Variants in COL5A1 observed in about 807,000 individuals in gnomAD.
COL5A1 encodes collagen type V alpha 1 chain.
Under a neutral mutation model 263.7 loss-of-function variants are expected in COL5A1, and 16 were observed. The observed-to-expected ratio is 0.06, with a 90% CI of 0.04 to 0.09. COL5A1 has a LOEUF of 0.09. Among genes scored for constraint, COL5A1 ranks in the 10% least tolerant of loss-of-function variants. The probability of loss-of-function intolerance (pLI) is 1.00; values close to 1 mark genes in which losing one functional copy is unlikely to be tolerated. For synonymous variants in COL5A1, 1,012 were observed against 1,004.5 expected (o/e 1.01, Z -0.14); for missense variants, 2,036 against 2,540.5 (o/e 0.80, Z 4.27).
Position 134,835,145 on chromosome 9 carries a change from G to T in COL5A1, c.5311G>T (p.Asp1771Tyr), listed in dbSNP as rs1005244744. The stretch of plus-strand genomic sequence containing the variant: ...GGCCCTCCGCTTCCTGGGCTCCAAC[G>T]ACGAGGAGATGTCCTATGACAACAA... ...DKALRFLGSNDEEMSYDNNPY... is the reference protein window; with the variant it reads ...DKALRFLGSNYEEMSYDNNPY... The change falls in exon 65 of 66, where the codon GAC (aspartate) becomes TAC (tyrosine). Residue 1771 changes from aspartate (D) to tyrosine (Y), a missense_variant. This residue lies in a region of COL5A1 where 358 missense variants were observed against 384.6 expected (regional missense o/e 0.93). Transcript: ENST00000371817. The T allele has an allele frequency of 2.5e-6, 4 of 1,613,870 alleles. No individual in the cohort carries two copies. The East Asian group carries it at 8.9e-5, about 36-fold the overall frequency.
intron 1 of COL5A1, among the ~76,000 whole-genome samples, chr9:134,658,647 C>T (rs1489769727): frequency 2.6e-5 from 4 of 152,202 alleles, no homozygotes; most frequent in Non-Finnish European, 4.4e-5. Context: ...AAAGGCATGT[C>T]GGGGGTCTTA....
At chr9:134,666,018 C>T (rs758413975) in intron 1 of COL5A1, among the ~76,000 whole-genome samples, 37 of 152,176 alleles carry the variant, frequency 2.4e-4, no homozygotes, top group Non-Finnish European at 5.0e-4. Flanking sequence ...ACCCGGGAGG[C>T]GGAGGTTGCA....
rs149158298 is a variant in COL5A1, at chr9:134,766,283, G to A, written c.2089-171G>A. Among the ~76,000 whole-genome samples the A allele has an allele frequency of 1.3e-4, 20 of 152,298 alleles. No individual in the cohort carries two copies. The East Asian group carries it at 3.3e-3, about 25-fold the overall frequency. On this transcript the variant is annotated intron_variant, in intron 21 of 65. Transcript: ENST00000371817. The stretch of plus-strand genomic sequence containing the variant: ...TGAGGGTTACTGGGGCTGATCAGTG[G>A]ACCTCTGGGAAGGGATTTGGAGTCA...
chr9:134,816,952 T>G (rs548675809), intron 52 of COL5A1, 74 bp from the exon 53 acceptor site: 9 of 1,340,880 alleles, frequency 6.7e-6, no homozygotes, highest in African/African-American at 5.7e-5. Context: ...TAGACTGAAA[T>G]CGCCATGTGT....
rs1467809822 is a variant in COL5A1, at chr9:134,811,247, A to G, written c.3529-92A>G. 3.5e-6 allele frequency: 4 copies of G among 1,144,052 alleles called. No individual in the cohort carries two copies. In the Admixed American group the frequency reaches 6.7e-5, roughly 19 times the overall value. The allele number at this position is 1,144,052 out of a possible 1,614,324, so 70.9% of individuals were successfully genotyped here. A position where few individuals can be genotyped will look rare whatever the true frequency, so the allele number is the denominator to read the frequency against. ...AGACTGAACTGACGACGTTGGATGC[A>G]TCAGTCCCCGGGCTCAGGATGCGGT... On this transcript the variant is annotated intron_variant, in intron 44 of 65. Coordinates refer to ENST00000371817, the MANE Select transcript of COL5A1 (RefSeq NM_000093.5).
intron 1 of COL5A1, among the ~76,000 whole-genome samples, chr9:134,648,029 C>G (rs1269318256): frequency 6.6e-6 from 1 of 152,070 alleles, no homozygotes; most frequent in East Asian, 1.9e-4. Flanking sequence ...CTGGGGAAGG[C>G]AGACCCACCG....
Position 134,761,755 on chromosome 9 carries a change from G to A in COL5A1, c.1936-170G>A, listed in dbSNP as rs143621182. Among the ~76,000 whole-genome samples, 990 of 152,310 alleles carry A rather than the reference G, an allele frequency of 6.5e-3. 6 individuals are homozygous for A. Among genetic ancestry groups the A allele is most frequent in the Non-Finnish European group, 0.011 (715 of 68,026 alleles). On this transcript the variant is annotated intron_variant, in intron 18 of 65. Coordinates refer to ENST00000371817, the MANE Select transcript of COL5A1 (RefSeq NM_000093.5). Reference sequence around the variant, plus strand: ...AGGTGAGAGTCTGCAGCCTGCATTAGCCCGGCTGAGGCACACGTGATCTTC... The same window carrying A: ...AGGTGAGAGTCTGCAGCCTGCATTAACCCGGCTGAGGCACACGTGATCTTC...
intron 1 of COL5A1, among the ~76,000 whole-genome samples, chr9:134,683,337 C>T (rs1422687496): frequency 1.3e-5 from 2 of 152,142 alleles, no homozygotes; most frequent in Non-Finnish European, 2.9e-5. Context: ...TTGAGCCCGT[C>T]GCGGGCTGAT....
At chr9:134,735,657 T>C (rs1348174608) in intron 9 of COL5A1, among the ~76,000 whole-genome samples, 1 of 152,200 alleles carries the variant, frequency 6.6e-6, no homozygotes, top group Non-Finnish European at 1.5e-5. Flanking sequence ...AATTTGCGTG[T>C]CTGGGAAGGC....
intron 4 of COL5A1, among the ~76,000 whole-genome samples, chr9:134,725,628 A>C (rs973560912): frequency 4.6e-5 from 7 of 152,208 alleles, no homozygotes; most frequent in African/African-American, 1.7e-4. Flanking sequence ...GAATAATGGA[A>C]TAAATTGTTT....
chr9:134,760,840 G>A (rs1453769971), intron 18 of COL5A1, among the ~76,000 whole-genome samples: 6 of 115,654 alleles, frequency 5.2e-5, no homozygotes, highest in African/African-American at 1.8e-4. Flanking sequence ...ATGCACACAT[G>A]CATACACACA....
intron 32 of COL5A1, among the ~76,000 whole-genome samples, chr9:134,790,264 A>T (rs1236465589): frequency 6.6e-6 from 1 of 152,186 alleles, no homozygotes; most frequent in African/African-American, 2.4e-5. Context: ...GGAGACTATT[A>T]TCTCCATCTC....
rs1290204447 is a variant in COL5A1 at position 134,842,610 on chromosome 9, C to T, written c.*307C>T. ...GGGCCATGCCTCCAGCCCCCCAGCT[C>T]GCCCGACCCATCCTGTTCGTGAATA... On this transcript the variant is annotated 3_prime_UTR_variant, in exon 66 of 66. Coordinates refer to ENST00000371817, the MANE Select transcript of COL5A1 (RefSeq NM_000093.5). This position sits in a 1 kb window ranked among gnomAD's most constrained non-coding sequence, Gnocchi z 5.8. 7.6e-6 allele frequency: 4 copies of T among 523,942 alleles called. No individual in the cohort carries two copies. Among genetic ancestry groups the T allele is most frequent in the African/African-American group, 1.9e-5 (1 of 52,222 alleles). The allele number at this position is 523,942 out of a possible 1,614,324, so 32.5% of individuals were successfully genotyped here. A position where few individuals can be genotyped will look rare whatever the true frequency, so the allele number is the denominator to read the frequency against.
chr9:134,786,127 T>A, intron 31 of COL5A1, 79 bp downstream of exon 31: 1 of 1,324,978 alleles, frequency 7.5e-7, no homozygotes, highest in Non-Finnish European at 1.1e-6. Flanking sequence ...CATCCGGCCG[T>A]GTTAGGTGTC....
chr9:134,750,545 C>T lies in COL5A1; in HGVS notation c.1498C>T (p.Pro500Ser), dbSNP rs754755873. 3 of 1,613,628 alleles carry T rather than the reference C, an allele frequency of 1.9e-6. No homozygotes were observed. Among genetic ancestry groups the T allele is most frequent in the South Asian group, 1.1e-5 (1 of 91,084 alleles). ...TCTCTTGGCCCCTTGTCTTCAGGGC[C>T]CCCCTGGACGCCCAGGCCTTCCTGG... ...GQVGDPGERG[P>S]PGRPGLPGAD... The change falls in exon 12 of 66, where the codon CCC becomes TCC. Residue 500 changes from proline (P) to serine (S), a missense_variant. Transcript: ENST00000371817.
At chr9:134,822,725 C>CCA (rs1554807651) in intron 59 of COL5A1, among the ~76,000 whole-genome samples, 2 of 150,216 alleles carry the variant, frequency 1.3e-5, no homozygotes, top group East Asian at 3.9e-4. Flanking sequence ...GCTGCGCCCC[C>CCA]CCCGCGGCTG....
chr9:134,698,206 C>G (rs180735422), intron 2 of COL5A1, among the ~76,000 whole-genome samples: 1 of 152,260 alleles, frequency 6.6e-6, no homozygotes, highest in Non-Finnish European at 1.5e-5. Flanking sequence ...ACTGTCATCA[C>G]CCCCACCTGG....
intron 1 of COL5A1, among the ~76,000 whole-genome samples, chr9:134,655,359 G>C (rs1477987285): frequency 6.6e-6 from 1 of 151,950 alleles, no homozygotes; most frequent in Non-Finnish European, 1.5e-5. Flanking sequence ...AGCCCCGGGA[G>C]GCCCCCAGCC....
rs1296640246 is a variant in COL5A1 at position 134,701,315 on chromosome 9, G to A, written c.636G>A (p.Leu212=). The A allele has an allele frequency of 6.2e-7, 1 of 1,613,858 alleles. No individual in the cohort carries two copies. The change falls in exon 4 of 66, where the codon CTG becomes CTA. Residue 212 remains leucine (L), a synonymous_variant. Transcript: ENST00000371817. ...TCATCGTGTTTGGCACCCGGATCCT[G>A]GATGAGGAGGTGTTTGAGGTGAGCA... ...NGIIVFGTRI[L]DEEVFEGDIQ...
Sources: allele counts gnomAD v4.1 joint callset (sites outside exome capture counted in the v4.1 genomes callset), GRCh38; gene constraint gnomAD v4.1.1; regional missense constraint gnomAD v4.1.1; non-coding constraint Gnocchi (gnomAD v3.1); transcripts MANE v1.5; gene names NCBI Gene and HGNC (gene_info 2026-07-23, HGNC 2026-07-21).